Variants in SH3BGRL2 observed in about 807,000 individuals in gnomAD.
SH3BGRL2 encodes SH3 domain binding glutamate rich protein like 2, also known as SH3 domain-binding glutamic acid-rich-like protein 2.
Under a neutral mutation model 14.8 loss-of-function variants are expected in SH3BGRL2, and 21 were observed. The observed-to-expected ratio is 1.42, with a 90% confidence interval of 1.01 to 2.05. The LOEUF is 2.05. SH3BGRL2 is among the 30% of genes most tolerant of loss of function. The pLI, the probability that SH3BGRL2 is intolerant of heterozygous loss-of-function variation, is 0.00. For synonymous variants in SH3BGRL2, 50 were observed against 47.8 expected, an observed-to-expected ratio of 1.05 and a Z score of -0.19; for missense variants, 147 against 130.8, an observed-to-expected ratio of 1.12 and a Z score of -0.61.
chr6:79,647,185 G>A (rs1582716976), intron 1 of SH3BGRL2, among the ~76,000 whole-genome samples: 1 of 152,188 alleles, frequency 6.6e-6, no homozygotes, highest in Admixed American at 6.5e-5. Context: ...CAGTTTCTCT[G>A]GATCCTCTCC....
the SH3BGRL2 span, among the ~76,000 whole-genome samples, chr6:79,611,157 C>T: frequency 6.6e-6 from 1 of 152,102 alleles, no homozygotes; most frequent in Non-Finnish European, 1.5e-5. Context: ...ATACTCTGAA[C>T]TCCTCCACAA....
the SH3BGRL2 span, among the ~76,000 whole-genome samples, chr6:79,595,678 A>G: frequency 1.3e-5 from 2 of 152,226 alleles, no homozygotes; most frequent in South Asian, 2.1e-4. Flanking sequence ...AAATTCCTCA[A>G]TCTGATTAAG....
the SH3BGRL2 span, among the ~76,000 whole-genome samples, chr6:79,599,919 C>T: frequency 6.6e-6 from 1 of 152,188 alleles, no homozygotes; most frequent in South Asian, 2.1e-4. Context: ...AGTGTGGAGT[C>T]CTAATTAGCG....
chr6:79,620,751 GAGA>G, the SH3BGRL2 span, among the ~76,000 whole-genome samples: 1 of 152,074 alleles, frequency 6.6e-6, no homozygotes, highest in Admixed American at 6.6e-5. Flanking sequence ...GGATAGCACA[GAGA>G]AGAATAAAAA....
intron 2 of SH3BGRL2, among the ~76,000 whole-genome samples, chr6:79,679,323 A>G (rs1769944454): frequency 6.6e-6 from 1 of 151,182 alleles, no homozygotes; most frequent in Non-Finnish European, 1.5e-5. Flanking sequence ...TGTGAGATGC[A>G]TCTCATTGTG....
At chr6:79,693,199 G>A (rs1367846661) in intron 2 of SH3BGRL2, among the ~76,000 whole-genome samples, 7 of 152,208 alleles carry the variant, frequency 4.6e-5, no homozygotes, top group African/African-American at 9.6e-5. Flanking sequence ...ATTTTTGTAC[G>A]TTGGTTTTGT....
intron 1 of SH3BGRL2, among the ~76,000 whole-genome samples, chr6:79,652,372 C>T (rs545458377): frequency 3.3e-5 from 5 of 152,134 alleles, no homozygotes; most frequent in Non-Finnish European, 2.9e-5. Flanking sequence ...AGGTTTATAG[C>T]TTATCTTTGT....
At chr6:79,698,253 A>G (rs1349168716) in intron 3 of SH3BGRL2, among the ~76,000 whole-genome samples, 6 of 152,210 alleles carry the variant, frequency 3.9e-5, no homozygotes, top group Non-Finnish European at 8.8e-5. Context: ...AAAAGCTAAT[A>G]GTAACTCATA....
At chr6:79,639,821 G>A (rs956814678) in intron 1 of SH3BGRL2, among the ~76,000 whole-genome samples, 3 of 152,028 alleles carry the variant, frequency 2.0e-5, no homozygotes, top group Non-Finnish European at 4.4e-5. Context: ...AGAGATTTAA[G>A]TTCTATTTAA....
At chr6:79,663,099 C>T (rs1769587405) in intron 1 of SH3BGRL2, among the ~76,000 whole-genome samples, 1 of 152,164 alleles carries the variant, frequency 6.6e-6, no homozygotes, top group Non-Finnish European at 1.5e-5. Context: ...GAAGATGCTT[C>T]TTCAGCTCAG....
chr6:79,617,984 A>G, the SH3BGRL2 span, among the ~76,000 whole-genome samples: 1 of 152,218 alleles, frequency 6.6e-6, no homozygotes, highest in African/African-American at 2.4e-5. Flanking sequence ...GTAACCTTAT[A>G]TTTGATGGTA....
the SH3BGRL2 span, among the ~76,000 whole-genome samples, chr6:79,602,702 C>G: frequency 3.3e-5 from 5 of 152,100 alleles, no homozygotes; most frequent in African/African-American, 7.2e-5. Flanking sequence ...GTGACCTTGT[C>G]TCAACTCAAA....
At chr6:79,555,550 C>T in the SH3BGRL2 span, among the ~76,000 whole-genome samples, 8 of 152,254 alleles carry the variant, frequency 5.3e-5, no homozygotes, top group South Asian at 8.3e-4. Flanking sequence ...CTCAATCTGT[C>T]GCCAGGCTGG....
chr6:79,665,268 A>C (rs988265099), intron 1 of SH3BGRL2, among the ~76,000 whole-genome samples: 2 of 152,200 alleles, frequency 1.3e-5, no homozygotes, highest in African/African-American at 4.8e-5. Context: ...TAAATCTCCA[A>C]TGTTAGAATA....
chr6:79,613,692 A>G, the SH3BGRL2 span, among the ~76,000 whole-genome samples: 1 of 151,896 alleles, frequency 6.6e-6, no homozygotes, highest in Non-Finnish European at 1.5e-5. Context: ...TGCAACCTCC[A>G]TCTCCTGTGT....
At chr6:79,615,017 G>A in the SH3BGRL2 span, among the ~76,000 whole-genome samples, 2 of 151,082 alleles carry the variant, frequency 1.3e-5, no homozygotes, top group Non-Finnish European at 2.9e-5. Context: ...TCCCTCTCAG[G>A]GCTCAGCTTA....
chr6:79,579,108 G>C, the SH3BGRL2 span, among the ~76,000 whole-genome samples: 1 of 152,090 alleles, frequency 6.6e-6, no homozygotes, highest in African/African-American at 2.4e-5. Flanking sequence ...AGAGAAAAAA[G>C]AGTAAAAAGA....
At chr6:79,615,832 C>CTTTT in the SH3BGRL2 span, among the ~76,000 whole-genome samples, 2 of 109,236 alleles carry the variant, frequency 1.8e-5, no homozygotes, top group African/African-American at 7.2e-5. Context: ...TTTTTTCTTT[C>CTTTT]TTTTTTTTTT....
the SH3BGRL2 span, among the ~76,000 whole-genome samples, chr6:79,565,777 G>T: frequency 6.6e-6 from 1 of 152,176 alleles, no homozygotes; most frequent in Non-Finnish European, 1.5e-5. Context: ...CTGGTACAGT[G>T]CATATTTGAG....
Sources: allele counts gnomAD v4.1 joint callset (sites outside exome capture counted in the v4.1 genomes callset), GRCh38; gene constraint gnomAD v4.1.1; transcripts MANE v1.5; gene names NCBI Gene and HGNC (gene_info 2026-07-23, HGNC 2026-07-21).